Variants in NKAIN2 observed in about 807,000 individuals in gnomAD.
NKAIN2 encodes the protein sodium/potassium-transporting ATPase subunit beta-1-interacting protein 2.
Under a neutral mutation model 32.6 loss-of-function variants are expected in NKAIN2, and 14 were observed. The ratio of observed to expected loss-of-function variants is 0.43; its 90% CI spans 0.28 to 0.67. The LOEUF is 0.67. Ranked by LOEUF, NKAIN2 falls within the 30% of genes least tolerant of loss-of-function variation. The pLI is 0.17. For missense variants in NKAIN2, 198 were observed against 258.3 expected (o/e 0.77, Z 1.60); for synonymous variants, 80 against 87.2 (o/e 0.92, Z 0.46).
chr6:124,203,604 AG>A (rs1306933203), intron 1 of NKAIN2, among the ~76,000 whole-genome samples: 1 of 151,814 alleles, frequency 6.6e-6, no homozygotes, highest in Non-Finnish European at 1.5e-5. Context: ...TAGAGTGTAC[AG>A]GTGGTTGGAG....
chr6:124,822,014 C>G (rs1027263397), intron 6 of NKAIN2, among the ~76,000 whole-genome samples: 1 of 152,214 alleles, frequency 6.6e-6, no homozygotes, highest in African/African-American at 2.4e-5. Flanking sequence ...GTATTACATT[C>G]TGATTTTTAA....
chr6:124,571,274 A>G (rs770552996), intron 3 of NKAIN2, among the ~76,000 whole-genome samples: 10 of 152,154 alleles, frequency 6.6e-5, no homozygotes, highest in Non-Finnish European at 1.3e-4. Context: ...AAATAAGTTA[A>G]GACTTTGGGG....
At chr6:123,865,535 G>A (rs77738414) in intron 1 of NKAIN2, among the ~76,000 whole-genome samples, 2,152 of 151,634 alleles carry the variant, frequency 0.014, 42 homozygotes, top group African/African-American at 0.048. Context: ...ATTAAATATC[G>A]TTATATTTCA....
intron 1 of NKAIN2, among the ~76,000 whole-genome samples, chr6:123,874,323 T>A (rs1375166227): frequency 6.6e-6 from 1 of 152,214 alleles, no homozygotes; most frequent in African/African-American, 2.4e-5. Flanking sequence ...TAATTATTTC[T>A]GATTTTAAAA....
chr6:124,111,657 C>T (rs1243640418), intron 1 of NKAIN2, among the ~76,000 whole-genome samples: 1 of 151,826 alleles, frequency 6.6e-6, no homozygotes, highest in Non-Finnish European at 1.5e-5. Flanking sequence ...AGAGTTTAAT[C>T]CATTTAAAGT....
intron 3 of NKAIN2, among the ~76,000 whole-genome samples, chr6:124,584,787 C>T (rs1422370651): frequency 6.6e-6 from 1 of 151,976 alleles, no homozygotes; most frequent in East Asian, 1.9e-4. Flanking sequence ...TGGATTTTAT[C>T]CAAAACACAG....
intron 1 of NKAIN2, among the ~76,000 whole-genome samples, chr6:124,229,501 C>CAGATAGATAGATAGATAGAT (rs371937856): frequency 5.9e-4 from 84 of 142,972 alleles, no homozygotes; most frequent in East Asian, 2.4e-3. Flanking sequence ...GATAGATAGA[C>CAGATAGATAGATAGATAGAT]AGATAGATAG....
chr6:124,378,445 C>T (rs1012836931), intron 3 of NKAIN2, among the ~76,000 whole-genome samples: 6 of 152,246 alleles, frequency 3.9e-5, no homozygotes, highest in Admixed American at 2.0e-4. Context: ...GGGTAAAGCA[C>T]TGAAGGACAT....
chr6:124,547,839 C>T (rs1780149973), intron 3 of NKAIN2, among the ~76,000 whole-genome samples: 1 of 151,994 alleles, frequency 6.6e-6, no homozygotes, highest in Non-Finnish European at 1.5e-5. Flanking sequence ...GCCACCAGTC[C>T]AATTCTAACA....
chr6:123,912,947 C>G (rs1344647556), intron 1 of NKAIN2, among the ~76,000 whole-genome samples: 2 of 152,148 alleles, frequency 1.3e-5, no homozygotes, highest in Non-Finnish European at 2.9e-5. Flanking sequence ...AGGTTATGTT[C>G]TATTTATTTG....
At chr6:124,636,869 T>C (rs1783791151) in intron 3 of NKAIN2, among the ~76,000 whole-genome samples, 1 of 151,196 alleles carries the variant, frequency 6.6e-6, no homozygotes, top group Non-Finnish European at 1.5e-5. Context: ...AAGGAAGGAA[T>C]TCTTTCTAGC....
chr6:124,558,914 G>A lies in NKAIN2; in HGVS notation c.274-99272G>A, dbSNP rs139270079. On this transcript the variant is annotated intron_variant, in intron 3 of 6. Transcript: ENST00000368417. ...CAGTGAGCCAAGATCATACCATTGC[G>A]CTCCAGCTTGGGCAACAGGAGTGAA... Among the ~76,000 whole-genome samples, 1,132 of 152,068 alleles carry A rather than the reference G, an allele frequency of 7.4e-3. 13 individuals carry two copies. The highest frequency in any genetic ancestry group is 0.026 in the African/African-American group (1,079 of 41,474).
At chr6:124,124,585 A>G (rs1786066700) in intron 1 of NKAIN2, among the ~76,000 whole-genome samples, 1 of 152,222 alleles carries the variant, frequency 6.6e-6, no homozygotes, top group Non-Finnish European at 1.5e-5. Context: ...GAATTTTGAA[A>G]GATGTCTCCT....
At chr6:124,362,605 A>G (rs1319485879) in intron 3 of NKAIN2, among the ~76,000 whole-genome samples, 1 of 152,146 alleles carries the variant, frequency 6.6e-6, no homozygotes, top group African/African-American at 2.4e-5. Context: ...TATGTCTACC[A>G]GATTTATGTC....
At chr6:124,015,596 G>A (rs1780530135) in intron 1 of NKAIN2, among the ~76,000 whole-genome samples, 1 of 152,118 alleles carries the variant, frequency 6.6e-6, no homozygotes. Context: ...AAAACACCGT[G>A]AGGTGCTTCA....
chr6:123,923,183 AT>A (rs1775836734), intron 1 of NKAIN2, among the ~76,000 whole-genome samples: 1 of 152,214 alleles, frequency 6.6e-6, no homozygotes, highest in South Asian at 2.1e-4. Context: ...GTAAATAGCC[AT>A]GGTAATGCCA....
At position 124,726,731 on chromosome 6, in the gene NKAIN2, A is replaced by G. The variant is rs1345887726; in HGVS notation, c.475-64608A>G. On this transcript the variant is annotated intron_variant, in intron 4 of 6. Coordinates refer to ENST00000368417, the MANE Select transcript of NKAIN2 (RefSeq NM_001040214.3). ...AGAATGACTTTGATGAGCTGAGAGA[A>G]GAAGGCTTCAGACGATCAAATTACT... is the stretch of plus-strand genomic sequence containing the variant. Among the ~76,000 whole-genome samples the G allele has an allele frequency of 3.0e-4, 44 of 145,138 alleles. No homozygotes were observed. In the Admixed American group the frequency reaches 3.1e-3, roughly 10 times the overall value.
chr6:123,899,778 G>A (rs1774466311), intron 1 of NKAIN2, among the ~76,000 whole-genome samples: 1 of 152,136 alleles, frequency 6.6e-6, no homozygotes, highest in South Asian at 2.1e-4. Flanking sequence ...TTACAACACT[G>A]GGAGTTGGGG....
chr6:124,687,511 A>T (rs1774011125), intron 4 of NKAIN2, among the ~76,000 whole-genome samples: 1 of 5,056 alleles, frequency 2.0e-4, no homozygotes, highest in African/African-American at 4.7e-4. Flanking sequence ...TACATGGTAT[A>T]TATTCCATAC....
Sources: allele counts gnomAD v4.1 joint callset (sites outside exome capture counted in the v4.1 genomes callset), GRCh38; gene constraint gnomAD v4.1.1; transcripts MANE v1.5; gene names NCBI Gene and HGNC (gene_info 2026-07-23, HGNC 2026-07-21).